DPP6: variants seen among roughly 807,000 people sequenced by gnomAD.
The protein encoded by DPP6 is A-type potassium channel modulatory protein DPP6.
Under a neutral mutation model 122.6 loss-of-function variants are expected in DPP6, and 69 were observed. The observed-to-expected ratio is 0.56, with a 90% CI of 0.46 to 0.69. DPP6 has a LOEUF of 0.69. Among genes scored for constraint, DPP6 ranks in the 30% least tolerant of loss-of-function variants. DPP6 has a pLI of 0.00. For synonymous variants in DPP6, 418 were observed against 433.1 expected (o/e 0.97, Z 0.43); for missense variants, 928 against 1,116.9 (o/e 0.83, Z 2.41).
rs1394342729 is a variant in DPP6 at position 154,668,166 on chromosome 7, G to A, written c.681-1194G>A. On this transcript the variant is annotated intron_variant, in intron 6 of 25. Transcript: ENST00000377770. ...CATTCAACCATTTCTTTCTACAGAT[G>A]AGTGGGTGCATTCCCAGCTATGTGT... Among the ~76,000 whole-genome samples the A allele has an allele frequency of 4.2e-5, 4 of 94,376 alleles. No homozygotes were observed. The East Asian group carries it at 1.3e-3, about 31-fold the overall frequency. 61.9% of individuals were successfully genotyped at this position (94,376 alleles called of 152,430 possible).
At chr7:154,671,823 T>G (rs995410112) in intron 7 of DPP6, among the ~76,000 whole-genome samples, 1 of 151,708 alleles carries the variant, frequency 6.6e-6, no homozygotes, top group South Asian at 2.1e-4. Context: ...AATGACAACT[T>G]CTCAGAGAAG....
intron 1 of DPP6, among the ~76,000 whole-genome samples, chr7:154,289,274 A>C (rs1238304959): frequency 2.0e-5 from 3 of 152,132 alleles, no homozygotes; most frequent in Non-Finnish European, 4.4e-5. Context: ...CTGGCTGCTC[A>C]CTCCCAGGGT....
At position 154,481,653 on chromosome 7, in the gene DPP6, C is replaced by G. The variant is rs1032925618; in HGVS notation, c.457+6616C>G. 2.0e-4 allele frequency among the ~76,000 whole-genome samples: 30 copies of G among 152,158 alleles called. No individual in the cohort carries two copies. The highest frequency in any genetic ancestry group is 6.0e-4 in the African/African-American group (25 of 41,440). On this transcript the variant is annotated intron_variant, in intron 3 of 25. Transcript: ENST00000377770. This position sits in a 1 kb window ranked among gnomAD's most constrained non-coding sequence, Gnocchi z 4.2. ...TCTTTGGATTGCTTCAGAAGTCCAT[C>G]TTCTTTTCCCCCAGAGTGGCTCTTA...
At chr7:154,748,660 G>A (rs577155938) in intron 8 of DPP6, among the ~76,000 whole-genome samples, 88 of 152,312 alleles carry the variant, frequency 5.8e-4, no homozygotes, top group Non-Finnish European at 8.2e-4. Context: ...GGAGTTTCTC[G>A]CGCATGGCGG....
chr7:154,597,143 GAGAGACAC>G (rs1393027108), intron 5 of DPP6, among the ~76,000 whole-genome samples: 2 of 142,316 alleles, frequency 1.4e-5, no homozygotes, highest in South Asian at 2.4e-4. Context: ...TACAGTGAGA[GAGAGACAC>G]AGAGACAGAG....
In DPP6 at chr7:154,200,941, T is replaced by TA. The variant is rs1009797339; in HGVS notation, c.243+147889dup. Among the ~76,000 whole-genome samples, 199 of 148,224 alleles carry TA rather than the reference T, an allele frequency of 1.3e-3. 1 individual carries two copies. Among genetic ancestry groups the TA allele is most frequent in the African/African-American group, 4.2e-3 (170 of 40,568 alleles). ...GAATCTTCTTAGAATTGGTTTCCTT[T>TA]AAAAAAAAAAATTGTGGGCTTCTCT... is the stretch of plus-strand genomic sequence containing the variant. On this transcript the variant is annotated intron_variant, in intron 1 of 25. Transcript: ENST00000377770.
At chr7:154,785,566 T>A (rs1392926207) in intron 10 of DPP6, among the ~76,000 whole-genome samples, 1 of 152,222 alleles carries the variant, frequency 6.6e-6, no homozygotes, top group East Asian at 1.9e-4. Flanking sequence ...AACTTCCCAA[T>A]TTGTAAACTG....
intron 4 of DPP6, among the ~76,000 whole-genome samples, chr7:154,564,207 G>A (rs1433670848): frequency 2.0e-5 from 3 of 152,252 alleles, no homozygotes. Flanking sequence ...AGTAATTGTG[G>A]TTGAGTGGTG....
chr7:154,866,915 G>A (rs1320779143), intron 17 of DPP6, among the ~76,000 whole-genome samples: 1 of 151,312 alleles, frequency 6.6e-6, no homozygotes, highest in African/African-American at 2.4e-5. Flanking sequence ...CACACGTCCA[G>A]ATTCTCCTAG....
At chr7:154,519,913 A>G (rs945866182) in intron 3 of DPP6, among the ~76,000 whole-genome samples, 2 of 152,194 alleles carry the variant, frequency 1.3e-5, no homozygotes, top group Admixed American at 6.5e-5. Flanking sequence ...TATTTATAAA[A>G]CATGTTATTT....
At chr7:154,556,579 A>C (rs568264113) in intron 4 of DPP6, among the ~76,000 whole-genome samples, 2 of 152,356 alleles carry the variant, frequency 1.3e-5, no homozygotes, top group Non-Finnish European at 2.9e-5. Flanking sequence ...TGTTTTTAAA[A>C]GTCTATAATT....
intron 16 of DPP6, among the ~76,000 whole-genome samples, chr7:154,846,972 C>A (rs1022834780): frequency 1.3e-5 from 2 of 152,090 alleles, no homozygotes; most frequent in African/African-American, 4.8e-5. Flanking sequence ...GCGTTTTATT[C>A]ATTTAATCTC....
rs1451011111 is a variant in DPP6, at chr7:154,164,518, T to A, written c.243+111455T>A. 5.3e-5 allele frequency among the ~76,000 whole-genome samples: 8 copies of A among 152,138 alleles called. No homozygotes were observed. The South Asian group carries it at 1.5e-3, about 28-fold the overall frequency. ...TACCCTTTTAAAGGGTATGATTAGA[T>A]GGTTTTTAGTATTTTCAGAGAATTG... On this transcript the variant is annotated intron_variant, in intron 1 of 25. Coordinates refer to ENST00000377770, the MANE Select transcript of DPP6 (RefSeq NM_130797.4).
intron 1 of DPP6, among the ~76,000 whole-genome samples, chr7:154,080,926 A>G (rs183839855): frequency 9.9e-5 from 15 of 152,248 alleles, no homozygotes; most frequent in Admixed American, 7.2e-4. Context: ...GGATGCTGAG[A>G]AAACATGAGA....
intron 1 of DPP6, among the ~76,000 whole-genome samples, chr7:153,981,386 AT>A (rs1287451773): frequency 2.0e-5 from 3 of 151,590 alleles, no homozygotes; most frequent in Non-Finnish European, 4.4e-5. Context: ...TTTACTTTCT[AT>A]TTACTTGGTT....
At chr7:154,669,718 A>T (rs1317513171) in intron 7 of DPP6, among the ~76,000 whole-genome samples, 2 of 152,208 alleles carry the variant, frequency 1.3e-5, no homozygotes, top group African/African-American at 2.4e-5. Context: ...AGCTGTGTCT[A>T]TGGACTCCAG....
chr7:153,887,629 A>G, exon 1 of DPP6: 1 of 1,603,184 alleles, frequency 6.2e-7, no homozygotes, highest in Non-Finnish European at 8.5e-7. Context: ...TCACCAGGAC[A>G]ATGGATTAAG....
chr7:153,831,618 T>A, the DPP6 span, among the ~76,000 whole-genome samples: 1 of 152,240 alleles, frequency 6.6e-6, no homozygotes, highest in Non-Finnish European at 1.5e-5. Flanking sequence ...TAAGCTATTA[T>A]GCCAATAAAA....
chr7:154,575,632 GGT>G (rs1159537176), intron 5 of DPP6, among the ~76,000 whole-genome samples: 6 of 118,906 alleles, frequency 5.0e-5, no homozygotes, highest in Non-Finnish European at 8.7e-5. Context: ...GTGTGTGTGT[GGT>G]GTGTGTGGTG....
Sources: gnomAD v4.1 joint callset for allele counts (sites outside exome capture counted in the v4.1 genomes callset) on GRCh38, gnomAD v4.1.1 for gene constraint, Gnocchi (gnomAD v3.1) non-coding constraint, MANE v1.5 for transcripts, NCBI Gene and HGNC (gene_info 2026-07-23, HGNC 2026-07-21) for gene names.